AKAP9: variants seen among roughly 807,000 people sequenced by gnomAD.
AKAP9 encodes A-kinase anchoring protein 9.
A neutral mutation model predicts 488.5 loss-of-function variants in AKAP9; 311 were observed. The ratio of observed to expected loss-of-function variants is 0.64; its 90% confidence interval spans 0.58 to 0.70. The LOEUF (loss-of-function observed/expected upper bound fraction) is 0.70. AKAP9 is among the 30% of genes least tolerant of loss of function. AKAP9 has a pLI of 0.00. For synonymous variants in AKAP9, 1,462 were observed against 1,483.5 expected (o/e 0.99, Z 0.33); for missense variants, 4,215 against 4,374.5 (o/e 0.96, Z 1.03).
chr7:92,086,126 C>A (rs1445508527), intron 36 of AKAP9, 102 bp from the exon 37 acceptor site: 2 of 980,352 alleles, frequency 2.0e-6, no homozygotes, highest in Non-Finnish European at 1.5e-6. Context: ...AGTACACATG[C>A]TCCTAGGCTT....
intron 9 of AKAP9, among the ~76,000 whole-genome samples, chr7:92,013,683 G>A (rs1801107937): frequency 6.6e-6 from 1 of 152,110 alleles, no homozygotes; most frequent in South Asian, 2.1e-4. Context: ...GTAGAAATTT[G>A]AGAGTGGCTT....
chr7:91,942,231 G>T (rs73403710), intron 1 of AKAP9, among the ~76,000 whole-genome samples: 5,175 of 152,082 alleles, frequency 0.034, 258 homozygotes, highest in African/African-American at 0.11. Context: ...AGGAAACCAG[G>T]TTAGTGATTT....
intron 1 of AKAP9, among the ~76,000 whole-genome samples, chr7:91,971,110 A>G (rs1312063355): frequency 6.6e-6 from 1 of 152,192 alleles, no homozygotes; most frequent in Non-Finnish European, 1.5e-5. Context: ...TTGAACACTG[A>G]TAATTCTTAG....
chr7:91,994,321 A>C (rs187748644), intron 5 of AKAP9, among the ~76,000 whole-genome samples: 1 of 152,176 alleles, frequency 6.6e-6, no homozygotes, highest in Non-Finnish European at 1.5e-5. Context: ...GGAATTAAAC[A>C]TGTCTAGGGT....
chr7:91,977,283 G>A (rs978064448), intron 2 of AKAP9, among the ~76,000 whole-genome samples: 15 of 150,962 alleles, frequency 9.9e-5, no homozygotes, highest in South Asian at 2.1e-4. Flanking sequence ...AGGGCCGGGC[G>A]CGGTGGCTCA....
At chr7:92,057,292 C>T (rs1808954624) in intron 22 of AKAP9, among the ~76,000 whole-genome samples, 1 of 152,050 alleles carries the variant, frequency 6.6e-6, no homozygotes, top group Non-Finnish European at 1.5e-5. Context: ...ATTTTATATA[C>T]TTGAATAACT....
At position 92,001,040 on chromosome 7, in the gene AKAP9, A is replaced by G; in HGVS notation, c.1123A>G (p.Asn375Asp). ...QIVQKNQEIK[N>D]MKLELTNSKQ... is the part of the protein sequence containing the mutation. ...TGTGCAAAAGAACCAAGAAATAAAA[A>G]ACATGAAATTAGAGCTGACTAATTC... Residue 375 changes from asparagine to aspartate, a missense_variant, in exon 8 of 50, where the codon AAC (asparagine) becomes GAC (aspartate). Physicochemically the swap from Asn to Asp is conservative, Grantham distance 23 (BLOSUM62 1). Around this residue, in one of 5 missense-constraint regions of AKAP9, gnomAD observed 2,361 missense variants for 2,430.0 expected, o/e 0.97. Coordinates refer to ENST00000356239, the MANE Select transcript of AKAP9 (RefSeq NM_005751.5). 6.3e-7 allele frequency: 1 copy of G among 1,594,026 alleles called. No homozygotes were observed. Among genetic ancestry groups the G allele is most frequent in the Non-Finnish European group, 8.5e-7 (1 of 1,171,304 alleles).
At chr7:92,033,336 T>C (rs1380503944) in intron 16 of AKAP9, among the ~76,000 whole-genome samples, 1 of 152,002 alleles carries the variant, frequency 6.6e-6, no homozygotes, top group African/African-American at 2.4e-5. Flanking sequence ...TAGAATAATA[T>C]AGATTGTTGA....
intron 8 of AKAP9, among the ~76,000 whole-genome samples, chr7:92,009,868 A>T (rs1210305102): frequency 1.3e-5 from 2 of 152,162 alleles, no homozygotes; most frequent in Non-Finnish European, 2.9e-5. Flanking sequence ...TCCATATGAT[A>T]AATTTTATTT....
intron 48 of AKAP9, among the ~76,000 whole-genome samples, chr7:92,108,235 A>G (rs981879988): frequency 2.6e-5 from 4 of 152,194 alleles, no homozygotes; most frequent in Admixed American, 2.0e-4. Context: ...ATGACAAGAT[A>G]CATTTATACA....
Position 92,001,543 on chromosome 7 carries a change from ACAGATT to A in AKAP9, c.1631_1636del (p.Ile544_Gln545del), listed in dbSNP as rs753868414. ...TTGAAGAATTGAGCTTTTCAAGGGA[ACAGATT>A]CAGAGAGCTAGACAGACAATAGCTG... On this transcript the variant is annotated inframe_deletion, in exon 8 of 50. Coordinates refer to ENST00000356239, the MANE Select transcript of AKAP9 (RefSeq NM_005751.5). 5.6e-6 allele frequency: 9 copies of A among 1,613,840 alleles called. No individual in the cohort carries two copies. The highest frequency in any genetic ancestry group is 1.7e-5 in the Admixed American group (1 of 59,980).
chr7:91,970,354 G>A (rs555959593), intron 1 of AKAP9: 1 of 346,718 alleles, frequency 2.9e-6, no homozygotes, highest in African/African-American at 2.2e-5. Context: ...TTATGAGTGG[G>A]CGCTACACCA....
At chr7:92,105,179 A>G (rs1329042153) in intron 46 of AKAP9, among the ~76,000 whole-genome samples, 1 of 152,206 alleles carries the variant, frequency 6.6e-6, no homozygotes, top group Non-Finnish European at 1.5e-5. Flanking sequence ...TCATGAAGCT[A>G]ACACTCCCAT....
chr7:91,987,516 T>C (rs1487753211), intron 3 of AKAP9, among the ~76,000 whole-genome samples: 2 of 152,212 alleles, frequency 1.3e-5, no homozygotes, highest in Admixed American at 6.5e-5. Context: ...GTGTGTTATG[T>C]ATGGATTCAC....
At chr7:92,057,702 G>A in intron 22 of AKAP9, 1 of 219,692 alleles carries the variant, frequency 4.6e-6, no homozygotes, top group African/African-American at 2.2e-5. Context: ...CTGCTATGGA[G>A]ATTTCAAACT....
chr7:91,992,089 C>A, intron 3 of AKAP9, 69 bp from the exon 4 acceptor site: 1 of 1,302,724 alleles, frequency 7.7e-7, no homozygotes, highest in Non-Finnish European at 1.1e-6. Context: ...ATACAGTTAA[C>A]AGAAATATTG....
At chr7:91,958,563 G>A (rs1437944717) in intron 1 of AKAP9, among the ~76,000 whole-genome samples, 1 of 152,132 alleles carries the variant, frequency 6.6e-6, no homozygotes, top group South Asian at 2.1e-4. Context: ...AAGATTTCTA[G>A]TAGGTATGTA....
chr7:91,975,317 C>CA (rs1341123550), intron 2 of AKAP9, among the ~76,000 whole-genome samples: 1 of 152,114 alleles, frequency 6.6e-6, no homozygotes, highest in African/African-American at 2.4e-5. Context: ...TATGCCTGGC[C>CA]ACCAAGCATT....
In AKAP9 at chr7:92,089,621, T is replaced by C. The variant is rs1312312370; in HGVS notation, c.9358+92T>C. 51 of 1,352,256 alleles carry C rather than the reference T, an allele frequency of 3.8e-5. No individual in the cohort carries two copies. The East Asian group carries it at 1.3e-3, about 34-fold the overall frequency. 83.8% of individuals were successfully genotyped at this position (1,352,256 alleles called of 1,614,324 possible). On this transcript the variant is annotated intron_variant, in intron 38 of 49. Transcript: ENST00000356239. ...TTATTATTATTAAGTTAAAACATAT[T>C]TTCTTGGTCACATTTTCTTCTCATT...
Sources: allele counts gnomAD v4.1 joint callset (sites outside exome capture counted in the v4.1 genomes callset), GRCh38; gene constraint gnomAD v4.1.1; regional missense constraint gnomAD v4.1.1; transcripts MANE v1.5; gene names NCBI Gene and HGNC (gene_info 2026-07-23, HGNC 2026-07-21).